Variants in GLT8D2 observed in about 807,000 individuals in gnomAD.
The protein encoded by GLT8D2 is glycosyltransferase 8 domain containing 2.
A neutral mutation model predicts 44.5 loss-of-function variants in GLT8D2; 45 were observed. The observed-to-expected ratio is 1.01, with a 90% CI of 0.80 to 1.30. The LOEUF is 1.30. Ranked by LOEUF, GLT8D2 falls within the 50% of genes most tolerant of loss-of-function variation. The probability of loss-of-function intolerance (pLI) is 0.00; values close to 1 mark genes in which losing one functional copy is unlikely to be tolerated. For synonymous variants in GLT8D2, 156 were observed against 157.2 expected (o/e 0.99, Z 0.06); for missense variants, 400 against 430.4 (o/e 0.93, Z 0.62).
intron 1 of GLT8D2, among the ~76,000 whole-genome samples, chr12:104,047,884 C>A (rs937843856): frequency 6.6e-6 from 1 of 152,210 alleles, no homozygotes; most frequent in African/African-American, 2.4e-5. Flanking sequence ...CAAACTATGA[C>A]CCCTGGTCAA....
chr12:104,006,594 C>T (rs949706894), intron 4 of GLT8D2, among the ~76,000 whole-genome samples: 1 of 152,126 alleles, frequency 6.6e-6, no homozygotes, highest in Non-Finnish European at 1.5e-5. Flanking sequence ...CTCTCCTCTT[C>T]CATCAATCAC....
At chr12:104,021,933 GAAGAAGAAGAAGAAGAA>G (rs1566202437) in intron 1 of GLT8D2, among the ~76,000 whole-genome samples, 331 of 24,856 alleles carry the variant, frequency 0.013, 19 homozygotes, top group East Asian at 0.1. Flanking sequence ...AGAAGAAGAA[GAAGAAGAAGAAGAAGAA>G]GAAGAGGAAG....
rs143684607 is a variant in GLT8D2, at chr12:104,015,029, C to T, written c.96G>A (p.Val32=). 3.2e-4 allele frequency: 522 copies of T among 1,612,786 alleles called. 2 individuals are homozygous for T. The African/African-American group carries it at 6.5e-3, about 20-fold the overall frequency. ...ILYKKVHKGT[V]PKNDADDESE... Reference sequence around the variant, plus strand: ...TCTGCTCACCTGCGTCATTCTTGGGCACAGTCCCCTTATGAACTTTCTTAT... The same window carrying T: ...TCTGCTCACCTGCGTCATTCTTGGGTACAGTCCCCTTATGAACTTTCTTAT... The change falls in exon 4 of 11, where the codon GTG becomes GTA. Residue 32 remains valine (V), a synonymous_variant. Transcript: ENST00000360814.
chr12:104,059,290 T>C (rs2723853), intron 1 of GLT8D2, among the ~76,000 whole-genome samples: 137,773 of 152,238 alleles, frequency 0.9, 62,450 homozygotes, highest in East Asian at 1. Flanking sequence ...CCTCCAGGAC[T>C]TTGATCCACC....
intron 1 of GLT8D2, among the ~76,000 whole-genome samples, chr12:104,034,932 C>A (rs560105159): frequency 6.6e-6 from 1 of 152,140 alleles, no homozygotes; most frequent in Non-Finnish European, 1.5e-5. Context: ...CCCTCTGGGA[C>A]GAAGCTTCCA....
rs766848963 is a variant in GLT8D2 at position 103,996,866 on chromosome 12, C to T, written c.488-19G>A. 4 of 1,542,964 alleles carry T rather than the reference C, an allele frequency of 2.6e-6. No homozygotes were observed. The highest frequency in any genetic ancestry group is 3.6e-6 in the Non-Finnish European group (4 of 1,118,578). On this transcript the variant is annotated intron_variant, in intron 7 of 10. Coordinates refer to ENST00000360814, the MANE Select transcript of GLT8D2 (RefSeq NM_001384711.1). ...ATATCACCTGAATTTAGAAACACCA[C>T]CAAGTAAAACATTATAGCATTTGTT...
At chr12:104,053,101 C>G (rs1042648474), upstream of GLT8D2, among the ~76,000 whole-genome samples, 1 of 152,164 alleles carries the variant, frequency 6.6e-6, no homozygotes, top group African/African-American at 2.4e-5. Flanking sequence ...GTGCTGTTAA[C>G]TTGCAGCAGG....
intron 1 of GLT8D2, among the ~76,000 whole-genome samples, chr12:104,058,481 G>C (rs555552156): frequency 1.7e-4 from 26 of 152,304 alleles, no homozygotes; most frequent in African/African-American, 6.3e-4. Flanking sequence ...GGGGTGTGAA[G>C]CCAGATTGCT....
intron 3 of GLT8D2, among the ~76,000 whole-genome samples, chr12:104,019,118 C>CTTT (rs11291563): frequency 9.2e-4 from 107 of 116,404 alleles, no homozygotes; most frequent in Non-Finnish European, 1.1e-3. Context: ...ACTTCTTCTT[C>CTTT]TTTTTTTTTT....
Position 103,989,585 on chromosome 12 carries a change from G to C in GLT8D2, c.881-8C>G. The C allele has an allele frequency of 6.3e-7, 1 of 1,596,510 alleles. No homozygotes were observed. The highest frequency in any genetic ancestry group is 8.5e-7 in the Non-Finnish European group (1 of 1,172,674). On this transcript the variant is annotated splice_region_variant and splice_polypyrimidine_tract_variant and intron_variant, in intron 10 of 10. Coordinates refer to ENST00000360814, the MANE Select transcript of GLT8D2 (RefSeq NM_001384711.1). ...TGGCATCTGGATTCCAGCCTTCATT[G>C]TGTATAGAGAAAAAATAATAGGCTT...
At chr12:104,045,922 A>AGAAAGAAAGAAG (rs1566213249) in intron 1 of GLT8D2, among the ~76,000 whole-genome samples, 2 of 149,134 alleles carry the variant, frequency 1.3e-5, no homozygotes, top group African/African-American at 2.5e-5. Flanking sequence ...AAAGAAAGAA[A>AGAAAGAAAGAAG]GAAAGAAAGA....
At chr12:104,003,107 G>A in intron 5 of GLT8D2, 28 bp downstream of exon 5, 1 of 1,589,554 alleles carries the variant, frequency 6.3e-7, no homozygotes, top group South Asian at 1.1e-5. Context: ...GAAACAGAAA[G>A]TGCCAAAGTC....
At chr12:104,039,268 T>C (rs1460880820) in intron 1 of GLT8D2, among the ~76,000 whole-genome samples, 5 of 152,086 alleles carry the variant, frequency 3.3e-5, no homozygotes, top group Admixed American at 2.0e-4. Context: ...CCAAAAGCAA[T>C]GGCAACAAAA....
chr12:103,994,378 G>T lies in GLT8D2; in HGVS notation c.724C>A (p.Arg242Ser), dbSNP rs754111178. 6.2e-7 allele frequency: 1 copy of T among 1,613,790 alleles called. No individual in the cohort carries two copies. Among genetic ancestry groups the T allele is most frequent in the Non-Finnish European group, 8.5e-7 (1 of 1,179,884 alleles). ...CATTTCTCCAATTGCTTGGTGATGC[G>T]CTGGTGCTTCCATTCTGTCATGTTG... ...VANMTEWKHQ[R>S]ITKQLEKWMQ... is the part of the protein sequence containing the mutation. The change falls in exon 9 of 11, where the codon CGC (arginine) becomes AGC (serine). Residue 242 changes from arginine (R) to serine (S), a missense_variant. Transcript: ENST00000360814.
At chr12:104,056,589 G>C (rs561218882) in intron 1 of GLT8D2, among the ~76,000 whole-genome samples, 29 of 152,384 alleles carry the variant, frequency 1.9e-4, no homozygotes, top group African/African-American at 7.0e-4. Context: ...CATTGCGTAA[G>C]TATAGCACAG....
At chr12:104,009,405 G>A (rs1319777414) in intron 4 of GLT8D2, among the ~76,000 whole-genome samples, 3 of 152,198 alleles carry the variant, frequency 2.0e-5, no homozygotes, top group Non-Finnish European at 4.4e-5. Flanking sequence ...TCTCCCATTT[G>A]GAATGGCTGT....
intron 1 of GLT8D2, among the ~76,000 whole-genome samples, chr12:104,032,879 A>ATTTT (rs35467561): frequency 4.9e-5 from 7 of 143,070 alleles, no homozygotes; most frequent in African/African-American, 1.6e-4. Context: ...TTGCAGCACT[A>ATTTT]TTTTTTTTTT....
At chr12:104,049,026 T>G (rs1703058647) in intron 1 of GLT8D2, among the ~76,000 whole-genome samples, 2 of 152,146 alleles carry the variant, frequency 1.3e-5, no homozygotes, top group Non-Finnish European at 2.9e-5. Context: ...TACTTCCAAG[T>G]GCATTAAAGG....
At chr12:103,993,360 G>A (rs79806135) in intron 10 of GLT8D2, 32 bp downstream of exon 10, 157,706 of 1,509,232 alleles carry the variant, frequency 0.1, 10,004 homozygotes, top group East Asian at 0.32. Context: ...GGACATTTGC[G>A]TTTTTCTAAA....
Sources: allele counts gnomAD v4.1 joint callset (sites outside exome capture counted in the v4.1 genomes callset), GRCh38; gene constraint gnomAD v4.1.1; transcripts MANE v1.5; gene names NCBI Gene and HGNC (gene_info 2026-07-23, HGNC 2026-07-21).